Variants in HOXC4 observed in about 807,000 individuals in gnomAD.
HOXC4 encodes homeobox C4, also known as homeobox protein Hox-C4.
HOXC4 carries 15 observed loss-of-function variants against 25.5 expected under a neutral mutation model. That is an observed-to-expected ratio of 0.59 (90% CI 0.39 to 0.91). The LOEUF is 0.91. Ranked by LOEUF, HOXC4 falls within the 40% of genes least tolerant of loss-of-function variation. HOXC4 has a pLI of 0.00. For synonymous variants in HOXC4, 165 were observed against 148.0 expected, an observed-to-expected ratio of 1.11 and a Z score of -0.83; for missense variants, 342 against 352.4, an observed-to-expected ratio of 0.97 and a Z score of 0.24.
rs1007544865 is a variant in HOXC4 at position 54,054,797 on chromosome 12, G to A, written c.440-53G>A. ...GCTGAGGATGGGGTGAGGGTGGGGG[G>A]CGGGGAGCCTGCTGCCTCTGAACCC... On this transcript the variant is annotated intron_variant, in intron 1 of 1. Coordinates refer to ENST00000430889, the MANE Select transcript of HOXC4 (RefSeq NM_153633.3). 11 of 1,181,238 alleles carry A rather than the reference G, an allele frequency of 9.3e-6. No individual in the cohort carries two copies. In the Admixed American group the frequency reaches 1.9e-4, roughly 21 times the overall value. 73.2% of individuals were successfully genotyped at this position (1,181,238 alleles called of 1,614,324 possible).
rs146368576 is a variant in HOXC4 at position 54,044,458 on chromosome 12, G to A, written c.-123-8702G>A. On this transcript the variant is annotated intron_variant, in intron 1 of 3. Transcript: ENST00000303406. ...AAGGAACTAACATTGACAGTAAATA[G>A]CCTCAGAGCCTGGCTGTAGATATCA... 2.3e-3 allele frequency among the ~76,000 whole-genome samples: 349 copies of A among 152,192 alleles called. 1 individual carries two copies. Among genetic ancestry groups the A allele is most frequent in the African/African-American group, 8.1e-3 (338 of 41,530 alleles).
In HOXC4 at chr12:54,054,884, C is replaced by A. The variant is rs1565755286; in HGVS notation, c.474C>A (p.Arg158=). Residue 158 remains arginine (R), a synonymous_variant, in exon 2 of 2, where the codon CGC becomes CGA. Transcript: ENST00000430889. ...NPNYNGGEPK[R]SRTAYTRQQV... is the part of the protein sequence containing the mutation. ...ATTATAACGGAGGGGAACCCAAGCG[C>A]TCGAGGACAGCCTATACCCGGCAGC... 1 of 1,612,376 alleles carries A rather than the reference C, an allele frequency of 6.2e-7. No individual in the cohort carries two copies. Among genetic ancestry groups the A allele is most frequent in the Non-Finnish European group, 8.5e-7 (1 of 1,178,648 alleles).
chr12:54,027,697 G>C (rs1034431136), intron 1 of HOXC4, among the ~76,000 whole-genome samples: 2 of 151,998 alleles, frequency 1.3e-5, no homozygotes, highest in African/African-American at 4.8e-5. Flanking sequence ...CCCAACAGAG[G>C]GGTCCTGAGA....
chr12:54,043,983 G>A (rs1406723164), intron 1 of HOXC4, among the ~76,000 whole-genome samples: 2 of 145,284 alleles, frequency 1.4e-5, no homozygotes, highest in African/African-American at 2.5e-5. Context: ...GAGTAGTAAG[G>A]GTCAGGTCTT....
chr12:54,023,673 CA>C (rs1940549833), intron 1 of HOXC4, among the ~76,000 whole-genome samples: 1 of 152,144 alleles, frequency 6.6e-6, no homozygotes, highest in Admixed American at 6.5e-5. Flanking sequence ...GCCCTGTCCC[CA>C]AAATATTAGC....
intron 1 of HOXC4, chr12:54,029,552 A>AGCTGCT: frequency 8.1e-7 from 1 of 1,227,782 alleles, no homozygotes; most frequent in Non-Finnish European, 1.2e-6. Context: ...GGAGGCTGTG[A>AGCTGCT]GCTGCTGGCC....
At chr12:54,025,222 C>T (rs1940637400) in intron 1 of HOXC4, among the ~76,000 whole-genome samples, 1 of 152,298 alleles carries the variant, frequency 6.6e-6, no homozygotes, top group South Asian at 2.1e-4. Context: ...TTTAATAAAA[C>T]ATCTGTTCTT....
At chr12:54,037,771 G>A (rs1941211862) in intron 1 of HOXC4, 5 of 152,222 alleles carry the variant, frequency 3.3e-5, no homozygotes, top group Admixed American at 3.3e-4. Flanking sequence ...TGAATAGCCT[G>A]AAGGCAAGCC....
At chr12:54,024,320 A>T (rs1940587465) in intron 1 of HOXC4, among the ~76,000 whole-genome samples, 1 of 152,146 alleles carries the variant, frequency 6.6e-6, no homozygotes, top group Non-Finnish European at 1.5e-5. Flanking sequence ...CTGAGCACTG[A>T]GTCCTGAGGC....
chr12:54,043,918 C>CTGTGTGTGTG (rs71444829), intron 1 of HOXC4, among the ~76,000 whole-genome samples: 26 of 127,346 alleles, frequency 2.0e-4, no homozygotes, highest in Middle Eastern at 3.9e-3. Flanking sequence ...AAAACACAGG[C>CTGTGTGTGTG]TGTGTGTGTG....
At chr12:54,053,745 T>C (rs1204559549), upstream of HOXC4, 3 of 190,970 alleles carry the variant, frequency 1.6e-5, no homozygotes, top group Admixed American at 1.4e-4. Flanking sequence ...CACAAAAAAA[T>C]TGGATACATT....
chr12:54,045,604 A>G (rs911211137), intron 1 of HOXC4, among the ~76,000 whole-genome samples: 2 of 152,172 alleles, frequency 1.3e-5, no homozygotes, highest in African/African-American at 2.4e-5. Context: ...ATGTTTGAAC[A>G]TATGTTTAGA....
chr12:54,031,869 C>G (rs564108174), intron 1 of HOXC4, among the ~76,000 whole-genome samples: 29 of 152,330 alleles, frequency 1.9e-4, no homozygotes, highest in African/African-American at 6.5e-4. Flanking sequence ...TGCCCACCCC[C>G]CAGGTCCGCC....
chr12:54,040,364 G>T (rs180982368), intron 1 of HOXC4, among the ~76,000 whole-genome samples: 2 of 152,182 alleles, frequency 1.3e-5, no homozygotes, highest in African/African-American at 4.8e-5. Flanking sequence ...CTTCCCATCC[G>T]GCCCTGTTCC....
intron 1 of HOXC4, among the ~76,000 whole-genome samples, chr12:54,035,899 T>A (rs570960607): frequency 2.0e-5 from 3 of 152,114 alleles, no homozygotes; most frequent in Non-Finnish European, 4.4e-5. Context: ...TGTGCCTCAG[T>A]ATCTAAGATA....
chr12:54,028,394 T>G (rs1592231185), intron 1 of HOXC4: 3 of 1,027,186 alleles, frequency 2.9e-6, no homozygotes, highest in South Asian at 1.8e-5. Flanking sequence ...TGGGAGGGGG[T>G]CAGCTGACTT....
At chr12:54,028,501 C>T in intron 1 of HOXC4, 2 of 1,607,694 alleles carry the variant, frequency 1.2e-6, no homozygotes, top group Non-Finnish European at 1.7e-6. Flanking sequence ...AATCATAGAC[C>T]GACCAGGTAA....
chr12:54,037,552 A>ACGACCT (rs1348666243), intron 1 of HOXC4, among the ~76,000 whole-genome samples: 1 of 152,214 alleles, frequency 6.6e-6, no homozygotes, highest in Admixed American at 6.5e-5. Context: ...AAAGATCAAC[A>ACGACCT]CGACCTCGAA....
At chr12:54,031,436 G>A (rs896282990) in intron 1 of HOXC4, among the ~76,000 whole-genome samples, 11 of 152,226 alleles carry the variant, frequency 7.2e-5, no homozygotes, top group African/African-American at 2.7e-4. Context: ...TGGTACTCCT[G>A]ACGTGGCCGG....
Sources: gnomAD v4.1 joint callset for allele counts (sites outside exome capture counted in the v4.1 genomes callset) on GRCh38, gnomAD v4.1.1 for gene constraint, MANE v1.5 for transcripts, NCBI Gene and HGNC (gene_info 2026-07-23, HGNC 2026-07-21) for gene names.